The following COPZ1 variants were observed in gnomAD, a reference collection of about 807,000 sequenced individuals.
COPZ1 encodes the protein coatomer subunit zeta-1.
A neutral mutation model predicts 31.7 loss-of-function variants in COPZ1; 4 were observed. The ratio of observed to expected loss-of-function variants is 0.13; its 90% CI spans 0.06 to 0.29. The LOEUF (loss-of-function observed/expected upper bound fraction) is 0.29, where lower values mean the gene tolerates loss of function less well. Among genes scored for constraint, COPZ1 ranks in the 10% least tolerant of loss-of-function variants. The probability of loss-of-function intolerance (pLI) is 1.00; values close to 1 mark genes in which losing one functional copy is unlikely to be tolerated. For missense variants in COPZ1, 156 were observed against 211.5 expected, an observed-to-expected ratio of 0.74 and a Z score of 1.63; for synonymous variants, 74 against 79.0, an observed-to-expected ratio of 0.94 and a Z score of 0.33.
rs946815847 is a variant in COPZ1, at chr12:54,332,078, A to T, written c.18+6897A>T. 7.9e-5 allele frequency among the ~76,000 whole-genome samples: 12 copies of T among 152,164 alleles called. No individual in the cohort carries two copies. The East Asian group carries it at 2.3e-3, about 29-fold the overall frequency. On this transcript the variant is annotated intron_variant, in intron 1 of 8. Coordinates refer to ENST00000262061, the MANE Select transcript of COPZ1 (RefSeq NM_016057.3). ...CGGTGGCTCACGCCTGTAATCCAGC[A>T]CTTTGGGAGGCCGAGGCGGGCGGAT...
chr12:54,326,209 G>A (rs533477979), intron 1 of COPZ1, among the ~76,000 whole-genome samples: 129 of 149,164 alleles, frequency 8.6e-4, no homozygotes, highest in African/African-American at 2.6e-3. Context: ...GTACGATCTC[G>A]GCTCACTGCA....
chr12:54,339,980 C>CGTGT (rs10522684), intron 1 of COPZ1, among the ~76,000 whole-genome samples: 6,416 of 142,108 alleles, frequency 0.045, 204 homozygotes, highest in East Asian at 0.14. Context: ...TGTGCCTGTG[C>CGTGT]GTGTGTGTGT....
intron 1 of COPZ1, among the ~76,000 whole-genome samples, chr12:54,336,919 G>A (rs1228797745): frequency 6.6e-6 from 1 of 150,964 alleles, no homozygotes; most frequent in Admixed American, 6.6e-5. Flanking sequence ...CTACCCGGGA[G>A]GCTGAGGCAC....
chr12:54,337,262 T>C (rs1463877923), intron 1 of COPZ1: 1 of 534,670 alleles, frequency 1.9e-6, no homozygotes, highest in South Asian at 1.4e-5. Flanking sequence ...ACACTCAGGC[T>C]GTGGCTCTCT....
chr12:54,340,666 A>G lies in COPZ1; in HGVS notation c.87+51A>G. The stretch of plus-strand genomic sequence containing the variant: ...AGGAACAGCACAAAGGTTTATTCTG[A>G]GATTTGAATCTTGGGACTGATACCT... On this transcript the variant is annotated intron_variant, in intron 2 of 8. Coordinates refer to ENST00000262061, the MANE Select transcript of COPZ1 (RefSeq NM_016057.3). The G allele has an allele frequency of 2.5e-6, 4 of 1,570,766 alleles. 1 individual carries two copies.
intron 3 of COPZ1, chr12:54,342,567 C>A: frequency 2.3e-6 from 1 of 437,830 alleles, no homozygotes; most frequent in Non-Finnish European, 4.2e-6. Flanking sequence ...TGTACCGCAT[C>A]CATTAGGGCA....
At chr12:54,341,643 C>T (rs890128028) in intron 2 of COPZ1, among the ~76,000 whole-genome samples, 7 of 152,236 alleles carry the variant, frequency 4.6e-5, no homozygotes, top group African/African-American at 1.7e-4. Flanking sequence ...TCTCCGCCCC[C>T]TTTGCCAGGG....
intron 1 of COPZ1, among the ~76,000 whole-genome samples, chr12:54,335,063 A>G (rs917528665): frequency 2.1e-4 from 32 of 151,984 alleles, no homozygotes; most frequent in Non-Finnish European, 1.0e-4. Flanking sequence ...AATCCCAGCT[A>G]CTGAGGAGGC....
In COPZ1 at chr12:54,350,531, A is replaced by G; in HGVS notation, c.*8A>G. 1 of 1,612,188 alleles carries G rather than the reference A, an allele frequency of 6.2e-7. No homozygotes were observed. Among genetic ancestry groups the G allele is most frequent in the Non-Finnish European group, 8.5e-7 (1 of 1,178,242 alleles). On this transcript the variant is annotated 3_prime_UTR_variant, in exon 9 of 9. Coordinates refer to ENST00000262061, the MANE Select transcript of COPZ1 (RefSeq NM_016057.3). ...TGGTCACTCCTTCGGTGAAGACCTC[A>G]CTGTTCCTGGCTCTTCATCCTCTTC...
intron 4 of COPZ1, 35 bp downstream of exon 4, chr12:54,343,351 C>A: frequency 1.3e-6 from 2 of 1,558,080 alleles, no homozygotes; most frequent in Non-Finnish European, 1.8e-6. Context: ...TATTTCTGAT[C>A]CTACTTTCTA....
intron 4 of COPZ1, 109 bp downstream of exon 4, chr12:54,343,425 G>A (rs1954008229): frequency 1.1e-6 from 1 of 880,610 alleles, no homozygotes; most frequent in Non-Finnish European, 1.9e-6. Context: ...TCTGGCTTCT[G>A]ACCAAGCTAA....
At position 54,327,296 on chromosome 12, in the gene COPZ1, G is replaced by GTT. The variant is rs79015590; in HGVS notation, c.18+2131_18+2132dup. On this transcript the variant is annotated intron_variant, in intron 1 of 8. Transcript: ENST00000262061. ...TCACTGCACCCCGGCCAGTTAGCAA[G>GTT]TTTTTTTTTTTTTTTTTGGAAACAG... is the stretch of plus-strand genomic sequence containing the variant. 1.7e-3 allele frequency among the ~76,000 whole-genome samples: 202 copies of GTT among 118,636 alleles called. 1 individual carries two copies. The highest frequency in any genetic ancestry group is 5.7e-3 in the African/African-American group (182 of 31,976). The allele number at this position is 118,636 out of a possible 152,430, so 77.8% of individuals were successfully genotyped here.
intron 5 of COPZ1, among the ~76,000 whole-genome samples, 199 bp from the exon 6 acceptor site, chr12:54,347,568 T>C (rs759000070): frequency 6.6e-6 from 1 of 152,226 alleles, no homozygotes; most frequent in Non-Finnish European, 1.5e-5. Context: ...TGAATCTCTT[T>C]CCATACATTC....
intron 1 of COPZ1, among the ~76,000 whole-genome samples, chr12:54,334,061 A>C (rs1169566954): frequency 6.6e-6 from 1 of 151,828 alleles, no homozygotes; most frequent in Non-Finnish European, 1.5e-5. Flanking sequence ...GCACCACTGC[A>C]CTCCAGCCTG....
At chr12:54,336,774 A>G (rs2137095695) in intron 1 of COPZ1, among the ~76,000 whole-genome samples, 1 of 152,116 alleles carries the variant, frequency 6.6e-6, no homozygotes, top group East Asian at 1.9e-4. Context: ...CTGTAATCCC[A>G]GCACTTTGGG....
In COPZ1 at chr12:54,340,610, G is replaced by A. The variant is rs1435436578; in HGVS notation, c.82G>A (p.Ala28Thr). The A allele has an allele frequency of 6.2e-7, 1 of 1,613,340 alleles. No homozygotes were observed. Among genetic ancestry groups the A allele is most frequent in the Non-Finnish European group, 8.5e-7 (1 of 1,179,800 alleles). ...ILDNDGDRLF[A>T]KYYDDTYPSV... The stretch of plus-strand genomic sequence containing the variant: ...GGACAATGATGGAGATCGACTTTTT[G>A]CCAAGGTGAGATTCCCTTTCGAATT... The change falls in exon 2 of 9, where the codon GCC becomes ACC. Residue 28 changes from alanine (A) to threonine (T), a missense_variant. By Grantham distance (58) the Ala-to-Thr change is moderately conservative. Coordinates refer to ENST00000262061, the MANE Select transcript of COPZ1 (RefSeq NM_016057.3).
Position 54,343,254 on chromosome 12 carries a change from G to A in COPZ1, c.199G>A (p.Val67Met). 6.2e-7 allele frequency: 1 copy of A among 1,614,078 alleles called. No homozygotes were observed. Among genetic ancestry groups the A allele is most frequent in the African/African-American group, 1.3e-5 (1 of 75,020 alleles). ...AATTGCCCTCTTGGAAGGCCTGACAGTGGTATACAAAAGCAGTATAGATCT... is the reference window on the plus strand; with the variant it reads ...AATTGCCCTCTTGGAAGGCCTGACAATGGTATACAAAAGCAGTATAGATCT... The part of the protein sequence containing the change: ...SEIALLEGLT[V>M]VYKSSIDLYF... Residue 67 changes from valine to methionine, a missense_variant, in exon 4 of 9, where the codon GTG becomes ATG. Transcript: ENST00000262061.
intron 1 of COPZ1, among the ~76,000 whole-genome samples, chr12:54,326,506 G>C (rs997587221): frequency 2.0e-5 from 3 of 148,198 alleles, no homozygotes; most frequent in Non-Finnish European, 3.0e-5. Context: ...AATTGTGGTC[G>C]CTAAAGGGCT....
In COPZ1 at chr12:54,347,760, G is replaced by T. The variant is rs750051593; in HGVS notation, c.318-7G>T. On this transcript the variant is annotated splice_polypyrimidine_tract_variant and splice_region_variant and intron_variant, in intron 5 of 8. Coordinates refer to ENST00000262061, the MANE Select transcript of COPZ1 (RefSeq NM_016057.3). ...GGTTATTCTCTTCTCTTCTCTTGGG[G>T]ACTCAGGAAAAATGTAGAAAAGCGA... 1 of 1,609,202 alleles carries T rather than the reference G, an allele frequency of 6.2e-7. No homozygotes were observed. Among genetic ancestry groups the T allele is most frequent in the South Asian group, 1.1e-5 (1 of 90,254 alleles).
Sources: allele counts gnomAD v4.1 joint callset (sites outside exome capture counted in the v4.1 genomes callset), GRCh38; gene constraint gnomAD v4.1.1; transcripts MANE v1.5; gene names NCBI Gene and HGNC (gene_info 2026-07-23, HGNC 2026-07-21).